The following HLCS variants were observed in gnomAD, a reference collection of about 807,000 sequenced individuals.
HLCS encodes the protein biotin--protein ligase.
In HLCS, 53 loss-of-function variants were observed where a neutral mutation model predicts 75.0. The ratio of observed to expected loss-of-function variants is 0.71; its 90% CI spans 0.57 to 0.89. HLCS has a LOEUF of 0.89. HLCS is among the 40% of genes least tolerant of loss of function. HLCS has a pLI of 0.00. For missense variants in HLCS, 966 were observed against 1,074.0 expected (o/e 0.90, Z 1.41); for synonymous variants, 431 against 428.6 (o/e 1.01, Z -0.07).
intron 6 of HLCS, among the ~76,000 whole-genome samples, chr21:36,867,610 A>G (rs545498438): frequency 1.8e-4 from 27 of 152,302 alleles, no homozygotes; most frequent in African/African-American, 6.3e-4. Flanking sequence ...TGCTGTGTGG[A>G]AAAGCAATGA....
intron 6 of HLCS, among the ~76,000 whole-genome samples, chr21:36,885,651 G>C (rs1290426089): frequency 3.9e-5 from 6 of 152,198 alleles, no homozygotes; most frequent in Admixed American, 6.5e-5. Flanking sequence ...ATAATAATGA[G>C]AGTTCCATAA....
Position 36,966,425 on chromosome 21 carries a change from G to GGGGCCCCCCCCC in HLCS, c.195+18_195+19insGGGGGGGGGCCC. Reference sequence around the variant, plus strand: ...CCGGCTCGCGGGGCCCGGGTCGCCCGCCCGCCCGACCCGCCCACCTGGCTG... The same window carrying GGGGCCCCCCCCC: ...CCGGCTCGCGGGGCCCGGGTCGCCCGGGGCCCCCCCCCCCCGCCCGACCCGCCCACCTGGCTG... On this transcript the variant is annotated intron_variant, in intron 1 of 10. Coordinates refer to ENST00000674895, the MANE Select transcript of HLCS (RefSeq NM_001352514.2). The GGGGCCCCCCCCC allele has an allele frequency of 2.0e-5, 4 of 195,434 alleles. No individual in the cohort carries two copies. Among genetic ancestry groups the GGGGCCCCCCCCC allele is most frequent in the Non-Finnish European group, 3.4e-5 (4 of 116,686 alleles). 12.1% of individuals were successfully genotyped at this position (195,434 alleles called of 1,614,324 possible).
At chr21:36,868,797 T>C (rs980916317) in intron 6 of HLCS, among the ~76,000 whole-genome samples, 5 of 152,152 alleles carry the variant, frequency 3.3e-5, no homozygotes. Flanking sequence ...ACCATGTGAG[T>C]GTGGGCAGTT....
chr21:36,944,455 A>T (rs985152665), intron 2 of HLCS, among the ~76,000 whole-genome samples: 2 of 152,246 alleles, frequency 1.3e-5, no homozygotes, highest in African/African-American at 4.8e-5. Context: ...CTAGGTGTAT[A>T]AATTCATCAA....
Position 36,754,145 on chromosome 21 carries a change from A to G in HLCS, c.*101T>C. The G allele has an allele frequency of 8.3e-7, 1 of 1,202,784 alleles. No homozygotes were observed. 74.5% of individuals were successfully genotyped at this position (1,202,784 alleles called of 1,614,324 possible). On this transcript the variant is annotated 3_prime_UTR_variant, in exon 11 of 11. Transcript: ENST00000674895. ...AAACACAGAAAAAGAACAAAGACTT[A>G]ACAAATGAATTGGAGGAAAAGAAAA...
chr21:36,852,455 C>G (rs1463008568), intron 6 of HLCS, among the ~76,000 whole-genome samples: 1 of 152,184 alleles, frequency 6.6e-6, no homozygotes, highest in African/African-American at 2.4e-5. Flanking sequence ...CACAGGGCAG[C>G]TGGATTTCCC....
chr21:36,907,434 T>A (rs766509079), intron 5 of HLCS, among the ~76,000 whole-genome samples: 31 of 152,166 alleles, frequency 2.0e-4, no homozygotes, highest in Non-Finnish European at 3.7e-4. Flanking sequence ...GGTGGGTGGA[T>A]CACCTGAGGT....
At chr21:36,765,705 G>A (rs1006085592) in intron 7 of HLCS, among the ~76,000 whole-genome samples, 1 of 152,124 alleles carries the variant, frequency 6.6e-6, no homozygotes, top group Non-Finnish European at 1.5e-5. Context: ...GGAGTGCAGT[G>A]CGTGTGATCT....
intron 3 of HLCS, 48 bp downstream of exon 3, chr21:36,938,784 A>G (rs1229412120): frequency 6.9e-6 from 11 of 1,593,674 alleles, no homozygotes; most frequent in Non-Finnish European, 9.5e-6. Context: ...GATTACAGGC[A>G]TGAGCCACTA....
At chr21:36,922,311 T>G (rs1355492236) in intron 5 of HLCS, among the ~76,000 whole-genome samples, 1 of 152,226 alleles carries the variant, frequency 6.6e-6, no homozygotes, top group Admixed American at 6.5e-5. Flanking sequence ...TTGATATATG[T>G]GTATGTTACG....
At chr21:36,800,637 G>A (rs1265149016) in intron 6 of HLCS, among the ~76,000 whole-genome samples, 1 of 152,164 alleles carries the variant, frequency 6.6e-6, no homozygotes. Flanking sequence ...AAATGGCAGG[G>A]CTGGGACTTG....
Position 36,897,067 on chromosome 21 carries a change from G to C in HLCS, c.1685C>G (p.Ser562Cys), listed in dbSNP as rs770873445. Residue 562 changes from serine (S) to cysteine (C), a missense_variant, in exon 6 of 11, where the codon TCC becomes TGC. Coordinates refer to ENST00000674895, the MANE Select transcript of HLCS (RefSeq NM_001352514.2). Reference protein sequence around the residue: ...KHVDSEGEIKSGQLSLRFVSS... With the variant: ...KHVDSEGEIKCGQLSLRFVSS... ...AACAAATCTAAGAGAGAGCTGGCCG[G>C]ATTTTATTTCTCCCTCGGAGTCCAC... 6.2e-7 allele frequency: 1 copy of C among 1,614,080 alleles called. No individual in the cohort carries two copies. Among genetic ancestry groups the C allele is most frequent in the South Asian group, 1.1e-5 (1 of 91,084 alleles).
intron 1 of HLCS, among the ~76,000 whole-genome samples, chr21:36,966,203 G>C (rs2068566225): frequency 1.3e-5 from 2 of 152,212 alleles, no homozygotes; most frequent in Non-Finnish European, 2.9e-5. Flanking sequence ...CGCGCCTAGA[G>C]TCACGCGTCC....
At chr21:36,810,317 G>A (rs1190900579) in intron 6 of HLCS, among the ~76,000 whole-genome samples, 3 of 152,086 alleles carry the variant, frequency 2.0e-5, no homozygotes, top group African/African-American at 2.4e-5. Context: ...TGACCCTTTC[G>A]GCAGCAAGCA....
chr21:36,946,441 T>C (rs1193433308), intron 2 of HLCS, among the ~76,000 whole-genome samples: 1 of 151,822 alleles, frequency 6.6e-6, no homozygotes, highest in Non-Finnish European at 1.5e-5. Flanking sequence ...GAGAATTCGC[T>C]ATGTTGCCCA....
At chr21:36,926,628 T>A (rs1176471939) in intron 5 of HLCS, among the ~76,000 whole-genome samples, 1 of 152,134 alleles carries the variant, frequency 6.6e-6, no homozygotes, top group African/African-American at 2.4e-5. Context: ...ATATAATCAT[T>A]ATAGAAAATT....
chr21:36,957,757 G>A (rs1222105579), intron 2 of HLCS, among the ~76,000 whole-genome samples: 1 of 150,710 alleles, frequency 6.6e-6, no homozygotes, highest in Non-Finnish European at 1.5e-5. Context: ...GTGAAACCCC[G>A]TCTCCACTAA....
chr21:36,864,094 AC>A (rs1357809566), intron 6 of HLCS, among the ~76,000 whole-genome samples: 1 of 152,212 alleles, frequency 6.6e-6, no homozygotes, highest in Admixed American at 6.5e-5. Context: ...TGTGTTATCC[AC>A]CATCATCTAA....
At chr21:36,947,163 C>T (rs77689271) in intron 2 of HLCS, among the ~76,000 whole-genome samples, 2,662 of 152,232 alleles carry the variant, frequency 0.017, 29 homozygotes, top group Middle Eastern at 0.058. Context: ...TAGCCCCCTG[C>T]GGTAGCAGGC....
Sources: allele counts gnomAD v4.1 joint callset (sites outside exome capture counted in the v4.1 genomes callset), GRCh38; gene constraint gnomAD v4.1.1; transcripts MANE v1.5; gene names NCBI Gene and HGNC (gene_info 2026-07-23, HGNC 2026-07-21).